MAGI2: variants seen among roughly 807,000 people sequenced by gnomAD.
MAGI2 encodes the protein membrane associated guanylate kinase, WW and PDZ domain containing 2.
In MAGI2, 35 loss-of-function variants were observed where a neutral mutation model predicts 133.3. That is an observed-to-expected ratio of 0.26 (90% CI 0.20 to 0.35). The LOEUF is 0.35. Among genes scored for constraint, MAGI2 ranks in the 10% least tolerant of loss-of-function variants. The pLI, the probability that MAGI2 is intolerant of heterozygous loss-of-function variation, is 1.00. For missense variants in MAGI2, 1,636 were observed against 1,863.4 expected, an observed-to-expected ratio of 0.88 and a Z score of 2.25; for synonymous variants, 729 against 710.6, an observed-to-expected ratio of 1.03 and a Z score of -0.41.
intron 3 of MAGI2, among the ~76,000 whole-genome samples, chr7:78,549,589 T>C (rs977259234): frequency 6.6e-6 from 1 of 152,096 alleles, no homozygotes; most frequent in African/African-American, 2.4e-5. Context: ...CATTTCTCAA[T>C]AACGAGTTAA....
chr7:79,406,305 T>C (rs747067130), intron 1 of MAGI2, among the ~76,000 whole-genome samples: 4 of 152,132 alleles, frequency 2.6e-5, no homozygotes, highest in Non-Finnish European at 5.9e-5. Flanking sequence ...TGTAAAATAT[T>C]TGAAGACTTA....
At chr7:78,185,310 C>G (rs1378988620) in intron 13 of MAGI2, among the ~76,000 whole-genome samples, 1 of 152,186 alleles carries the variant, frequency 6.6e-6, no homozygotes, top group East Asian at 1.9e-4. Context: ...CCACATGTAG[C>G]TAGTGGCTAC....
chr7:79,172,028 C>T (rs1359954992), intron 1 of MAGI2, among the ~76,000 whole-genome samples: 4 of 151,608 alleles, frequency 2.6e-5, no homozygotes, highest in Admixed American at 6.6e-5. Context: ...AGTAGTTTCT[C>T]CTTCTAAACC....
chr7:79,350,398 T>C lies in MAGI2; in HGVS notation c.301+102622A>G, dbSNP rs114014059. Among the ~76,000 whole-genome samples the C allele has an allele frequency of 2.2e-3, 332 of 152,282 alleles. 1 individual carries two copies. The highest frequency in any genetic ancestry group is 7.8e-3 in the African/African-American group (326 of 41,586). ...ATGAATTTTTAAACAAGCACAGAAT[T>C]TATTTTAGTCTTTCAAGGACATTTT... On this transcript the variant is annotated intron_variant, in intron 1 of 21. Transcript: ENST00000354212.
At chr7:79,284,651 T>C (rs377035610) in intron 1 of MAGI2, among the ~76,000 whole-genome samples, 9 of 152,116 alleles carry the variant, frequency 5.9e-5, no homozygotes, top group Non-Finnish European at 1.2e-4. Flanking sequence ...TTTGAGAACT[T>C]AGCTCTGATT....
chr7:78,556,368 T>G (rs1289654342), intron 3 of MAGI2, among the ~76,000 whole-genome samples: 1 of 152,160 alleles, frequency 6.6e-6, no homozygotes, highest in Admixed American at 6.5e-5. Flanking sequence ...GTTTGGGAAG[T>G]GTGTGAAGTC....
At chr7:79,366,147 T>C (rs903819737) in intron 1 of MAGI2, among the ~76,000 whole-genome samples, 1 of 151,470 alleles carries the variant, frequency 6.6e-6, no homozygotes, top group Admixed American at 6.6e-5. Flanking sequence ...GAGGCTGAGG[T>C]GGGAGGATCG....
intron 1 of MAGI2, among the ~76,000 whole-genome samples, chr7:79,260,640 A>C (rs907550947): frequency 1.3e-5 from 2 of 152,162 alleles, no homozygotes; most frequent in African/African-American, 4.8e-5. Flanking sequence ...GGAAAACTCC[A>C]TACCTGACCT....
At chr7:78,925,557 T>C (rs1188037902) in intron 2 of MAGI2, among the ~76,000 whole-genome samples, 1 of 152,010 alleles carries the variant, frequency 6.6e-6, no homozygotes, top group Non-Finnish European at 1.5e-5. Flanking sequence ...ATATGCATGC[T>C]AAGATATTAA....
At chr7:79,129,201 C>A (rs1820696504) in intron 1 of MAGI2, among the ~76,000 whole-genome samples, 2 of 152,102 alleles carry the variant, frequency 1.3e-5, no homozygotes, top group South Asian at 4.1e-4. Flanking sequence ...CTTACATTAG[C>A]CTACAGTTGG....
At chr7:78,207,715 T>C (rs117222114) in intron 10 of MAGI2, among the ~76,000 whole-genome samples, 41 of 152,292 alleles carry the variant, frequency 2.7e-4, no homozygotes, top group South Asian at 1.0e-3. Flanking sequence ...GAAACTGACC[T>C]AGGCTAAGAA....
At chr7:78,506,635 A>C (rs1373088718) in intron 4 of MAGI2, among the ~76,000 whole-genome samples, 1 of 152,228 alleles carries the variant, frequency 6.6e-6, no homozygotes, top group Non-Finnish European at 1.5e-5. Flanking sequence ...TGAAGACAAG[A>C]CACTTAACTG....
chr7:78,739,243 C>T (rs752341123), intron 2 of MAGI2, among the ~76,000 whole-genome samples: 8 of 152,104 alleles, frequency 5.3e-5, no homozygotes, highest in Non-Finnish European at 1.2e-4. Context: ...TTCTACAGCC[C>T]CAAATCCATG....
At chr7:78,945,083 A>G (rs972082488) in intron 2 of MAGI2, among the ~76,000 whole-genome samples, 5 of 151,854 alleles carry the variant, frequency 3.3e-5, no homozygotes, top group African/African-American at 1.2e-4. Context: ...GAGATGGAGT[A>G]TTGCTGTGTT....
At chr7:79,149,846 G>A (rs561978879) in intron 1 of MAGI2, among the ~76,000 whole-genome samples, 6 of 152,196 alleles carry the variant, frequency 3.9e-5, no homozygotes, top group Admixed American at 3.3e-4. Context: ...GTATTATTTA[G>A]CAGAGTCTCA....
chr7:79,389,933 A>G (rs1468313664), intron 1 of MAGI2, among the ~76,000 whole-genome samples: 2 of 152,188 alleles, frequency 1.3e-5, no homozygotes, highest in African/African-American at 2.4e-5. Context: ...TGCTATGAGG[A>G]GTTCATTATT....
chr7:78,654,703 G>GTATATATATA (rs57776940), intron 2 of MAGI2, among the ~76,000 whole-genome samples: 1 of 118,450 alleles, frequency 8.4e-6, no homozygotes, highest in Non-Finnish European at 1.7e-5. Flanking sequence ...TTACATATAT[G>GTATATATATA]TATATATATA....
intron 1 of MAGI2, chr7:79,139,821 T>C (rs559906613): frequency 1.3e-5 from 2 of 152,216 alleles, no homozygotes; most frequent in South Asian, 2.1e-4. Flanking sequence ...TGGAGCCTAA[T>C]GGTTAATCTC....
intron 3 of MAGI2, among the ~76,000 whole-genome samples, chr7:78,573,369 T>TATATAC (rs1304652153): frequency 6.0e-4 from 6 of 9,962 alleles, no homozygotes; most frequent in Non-Finnish European, 1.1e-3. Context: ...CCTGGAAATA[T>TATATAC]ATATATATAT....
Sources: allele counts gnomAD v4.1 joint callset (sites outside exome capture counted in the v4.1 genomes callset), GRCh38; gene constraint gnomAD v4.1.1; transcripts MANE v1.5; gene names NCBI Gene and HGNC (gene_info 2026-07-23, HGNC 2026-07-21).